PCDH15: variants seen among roughly 807,000 people sequenced by gnomAD.
PCDH15 encodes the protein protocadherin-15.
PCDH15 carries 129 observed loss-of-function variants against 178.5 expected under a neutral mutation model. The ratio of observed to expected loss-of-function variants is 0.72; its 90% confidence interval spans 0.63 to 0.84. The LOEUF is 0.84. Among genes scored for constraint, PCDH15 ranks in the 40% least tolerant of loss-of-function variants. PCDH15 has a pLI of 0.00. For synonymous variants in PCDH15, 800 were observed against 732.0 expected (o/e 1.09, Z -1.50); for missense variants, 2,230 against 2,099.9 (o/e 1.06, Z -1.21).
intron 2 of PCDH15, among the ~76,000 whole-genome samples, chr10:54,569,323 C>T (rs2089473775): frequency 6.6e-6 from 1 of 152,040 alleles, no homozygotes; most frequent in South Asian, 2.1e-4. Context: ...GTTTTAATCT[C>T]ATTTTTTATT....
At chr10:53,933,765 G>A (rs10825167) in intron 25 of PCDH15, among the ~76,000 whole-genome samples, 77,471 of 151,384 alleles carry the variant, frequency 0.51, 21,541 homozygotes, top group Middle Eastern at 0.68. Flanking sequence ...TTCCACAGTG[G>A]TTGAACTAGC....
intron 26 of PCDH15, among the ~76,000 whole-genome samples, chr10:53,888,304 A>ATATATATATATATATATATATATG (rs1554845195): frequency 1.3e-4 from 12 of 88,940 alleles, no homozygotes; most frequent in African/African-American, 7.0e-4. Context: ...ATATATATAT[A>ATATATATATATATATATATATATG]TATATGTATA....
intron 2 of PCDH15, among the ~76,000 whole-genome samples, chr10:55,332,967 G>A (rs1199020566): frequency 6.6e-6 from 1 of 152,114 alleles, no homozygotes; most frequent in Non-Finnish European, 1.5e-5. Context: ...AGATGTGCAA[G>A]AGACAGACTT....
At chr10:54,904,421 A>G (rs1279326560) in intron 2 of PCDH15, among the ~76,000 whole-genome samples, 1 of 151,968 alleles carries the variant, frequency 6.6e-6, no homozygotes, top group African/African-American at 2.4e-5. Context: ...CCTACCCTAA[A>G]TATTTTCCCT....
rs1431063940 is a variant in PCDH15, at chr10:54,924,387, T to C, written c.-79-26887A>G. 4.3e-5 allele frequency among the ~76,000 whole-genome samples: 6 copies of C among 138,114 alleles called. 1 individual carries two copies. The highest frequency in any genetic ancestry group is 3.4e-5 in the Non-Finnish European group (2 of 59,284). 90.6% of individuals were successfully genotyped at this position (138,114 alleles called of 152,430 possible). A position where few individuals can be genotyped will look rare whatever the true frequency, so the allele number is the denominator to read the frequency against. ...GATTCCACATCTTTGCTATTGTGCA[T>C]ACTACAGAACTAAATATACACATGC... On this transcript the variant is annotated intron_variant, in intron 2 of 5. Coordinates refer to the PCDH15 transcript ENST00000458638.
chr10:55,085,049 C>T (rs11004730), intron 2 of PCDH15, among the ~76,000 whole-genome samples: 1 of 151,760 alleles, frequency 6.6e-6, no homozygotes, highest in Admixed American at 6.6e-5. Context: ...TAGATTTACC[C>T]TATGATCCAG....
At chr10:54,571,259 CTT>C (rs1491332727) in intron 2 of PCDH15, among the ~76,000 whole-genome samples, 1 of 147,500 alleles carries the variant, frequency 6.8e-6, no homozygotes, top group African/African-American at 2.5e-5. Flanking sequence ...GAGCAGAGAT[CTT>C]GGCAAATGAG....
chr10:54,556,446 G>T (rs2087277145), intron 2 of PCDH15, among the ~76,000 whole-genome samples: 1 of 152,054 alleles, frequency 6.6e-6, no homozygotes, highest in Non-Finnish European at 1.5e-5. Flanking sequence ...AATTTTTCAG[G>T]TTGATTCCAA....
intron 2 of PCDH15, among the ~76,000 whole-genome samples, chr10:55,116,398 G>T (rs1246988766): frequency 6.6e-6 from 1 of 151,986 alleles, no homozygotes; most frequent in African/African-American, 2.4e-5. Flanking sequence ...ATTTCATATA[G>T]TTCAATATAA....
intron 8 of PCDH15, among the ~76,000 whole-genome samples, chr10:54,313,254 T>C (rs1178730133): frequency 6.6e-6 from 1 of 152,128 alleles, no homozygotes; most frequent in East Asian, 1.9e-4. Context: ...AAAAATTTCC[T>C]GACTTATTTC....
chr10:53,810,449 T>C, intron 37 of PCDH15, 107 bp downstream of exon 37: 1 of 978,658 alleles, frequency 1.0e-6, no homozygotes. Context: ...ACGTACTAAG[T>C]GAAAGGAATT....
At chr10:54,108,133 T>A (rs903223173) in intron 15 of PCDH15, among the ~76,000 whole-genome samples, 1 of 152,072 alleles carries the variant, frequency 6.6e-6, no homozygotes, top group Non-Finnish European at 1.5e-5. Flanking sequence ...CCCCCAGTAA[T>A]CATCCCCTGA....
At chr10:54,346,632 A>C (rs1943339507) in intron 5 of PCDH15, 148 bp from the exon 6 acceptor site, 5 of 891,700 alleles carry the variant, frequency 5.6e-6, no homozygotes, top group Non-Finnish European at 8.9e-6. Flanking sequence ...TCAAAAGAAC[A>C]GTTTTGAGCC....
intron 2 of PCDH15, among the ~76,000 whole-genome samples, chr10:54,604,031 C>G (rs1211644261): frequency 6.6e-6 from 1 of 151,752 alleles, no homozygotes; most frequent in African/African-American, 2.4e-5. Flanking sequence ...ATCTTGGACC[C>G]AATGATTGTT....
At chr10:55,167,485 A>G (rs1024805619) in intron 1 of PCDH15, among the ~76,000 whole-genome samples, 14 of 152,148 alleles carry the variant, frequency 9.2e-5, no homozygotes, top group African/African-American at 3.1e-4. Flanking sequence ...TTATTGCCAC[A>G]GGGGCACAGC....
chr10:55,293,918 G>C (rs1388781343), intron 1 of PCDH15, among the ~76,000 whole-genome samples: 2 of 152,068 alleles, frequency 1.3e-5, no homozygotes, highest in South Asian at 4.1e-4. Context: ...CCACATTTTG[G>C]GGTATCTTTT....
At chr10:54,694,864 A>C (rs556904891) in intron 1 of PCDH15, among the ~76,000 whole-genome samples, 1 of 152,252 alleles carries the variant, frequency 6.6e-6, no homozygotes, top group African/African-American at 2.4e-5. Context: ...TCTCATTTTT[A>C]ATCACAAGCT....
At position 55,166,185 on chromosome 10, in the gene PCDH15, A is replaced by G. The variant is rs558362979; in HGVS notation, c.-80+391T>C. The stretch of plus-strand genomic sequence containing the variant: ...CAACAAAGTTCAAAAAGAGCCATCG[A>G]CCTGATGGCCCTTTGACACACAATG... On this transcript the variant is annotated intron_variant, in intron 2 of 5. Transcript: ENST00000458638. Among the ~76,000 whole-genome samples the G allele has an allele frequency of 1.6e-3, 240 of 152,242 alleles. 2 individuals carry two copies. The highest frequency in any genetic ancestry group is 5.4e-3 in the African/African-American group (225 of 41,556).
intron 2 of PCDH15, among the ~76,000 whole-genome samples, chr10:54,979,258 A>T (rs1839156053): frequency 6.6e-6 from 1 of 152,220 alleles, no homozygotes; most frequent in Non-Finnish European, 1.5e-5. Context: ...ATAAAAGTTT[A>T]TAGAAGAAAT....
Sources: gnomAD v4.1 joint callset for allele counts (sites outside exome capture counted in the v4.1 genomes callset) on GRCh38, gnomAD v4.1.1 for gene constraint, MANE v1.5 for transcripts, NCBI Gene and HGNC (gene_info 2026-07-23, HGNC 2026-07-21) for gene names.